The following DMXL1 variants were observed in gnomAD, a reference collection of about 807,000 sequenced individuals.
The protein encoded by DMXL1 is Dmx like 1, also known as dmX-like protein 1.
A neutral mutation model predicts 319.2 loss-of-function variants in DMXL1; 99 were observed. The observed-to-expected ratio is 0.31, with a 90% confidence interval of 0.26 to 0.37. The LOEUF is 0.37. Ranked by LOEUF, DMXL1 falls within the 10% of genes least tolerant of loss-of-function variation. DMXL1 has a pLI of 1.00. For missense variants in DMXL1, 3,745 were observed against 3,595.6 expected, an observed-to-expected ratio of 1.04 and a Z score of -1.06; for synonymous variants, 1,385 against 1,235.2, an observed-to-expected ratio of 1.12 and a Z score of -2.54.
intron 15 of DMXL1, among the ~76,000 whole-genome samples, chr5:119,146,296 C>A (rs1338824151): frequency 6.6e-6 from 1 of 151,744 alleles, no homozygotes. Flanking sequence ...AATAATAAAT[C>A]ATTGATTTTT....
At chr5:119,122,674 C>A (rs1019983246) in intron 9 of DMXL1, among the ~76,000 whole-genome samples, 3 of 151,690 alleles carry the variant, frequency 2.0e-5, no homozygotes, top group African/African-American at 7.3e-5. Flanking sequence ...GGGGTCGCTG[C>A]CGGGCAGAGG....
chr5:119,180,816 C>T (rs960836113), intron 28 of DMXL1, among the ~76,000 whole-genome samples: 9 of 151,896 alleles, frequency 5.9e-5, no homozygotes, highest in Non-Finnish European at 1.0e-4. Context: ...TAAAAATTGG[C>T]AAATTAATTT....
intron 9 of DMXL1, among the ~76,000 whole-genome samples, chr5:119,126,129 C>G (rs1356884952): frequency 7.9e-5 from 12 of 151,940 alleles, no homozygotes; most frequent in Non-Finnish European, 1.8e-4. Flanking sequence ...GCTAAAAATA[C>G]AAAATTAGCC....
chr5:119,175,162 T>G (rs767100611), intron 25 of DMXL1, 99 bp from the exon 26 acceptor site: 107 of 820,068 alleles, frequency 1.3e-4, no homozygotes, highest in Middle Eastern at 3.5e-4. Context: ...AATCAAAAAT[T>G]TTTTCATTCT....
intron 35 of DMXL1, among the ~76,000 whole-genome samples, chr5:119,219,066 G>T (rs1784192054): frequency 1.3e-5 from 2 of 152,144 alleles, no homozygotes; most frequent in African/African-American, 4.8e-5. Flanking sequence ...TCTTGGATCA[G>T]AGACAAAGGA....
Position 119,133,308 on chromosome 5 carries a change from C to G in DMXL1, c.1492C>G (p.Pro498Ala), listed in dbSNP as rs1765332688. 4 of 1,613,938 alleles carry G rather than the reference C, an allele frequency of 2.5e-6. No individual in the cohort carries two copies. The highest frequency in any genetic ancestry group is 1.6e-4 in the Middle Eastern group (1 of 6,084). The change falls in exon 11 of 44, where the codon CCC becomes GCC. Residue 498 changes from proline to alanine, a missense_variant. Pro to Ala is a conservative substitution (Grantham distance 27, BLOSUM62 -1). Coordinates refer to ENST00000539542, the MANE Select transcript of DMXL1 (RefSeq NM_001290321.3). ...TGCAGATATGCTATTTAGTATTCAT[C>G]CCATGGATGGTTCTTTGCTAGTTTG... ...KNADMLFSIHPMDGSLLVWHV... is the reference protein window; with the variant it reads ...KNADMLFSIHAMDGSLLVWHV...
In DMXL1 at chr5:119,148,860, G is replaced by A. The variant is rs757815680; in HGVS notation, c.3033G>A (p.Thr1011=). The A allele has an allele frequency of 1.2e-5, 20 of 1,613,606 alleles. No individual in the cohort carries two copies. The highest frequency in any genetic ancestry group is 5.0e-5 in the Admixed American group (3 of 59,928). ...GAGTAACAGATGGAGAATCTGCCAC[G>A]TCAAAGAATGGAAAAATTGATCTTG... ...RCRVTDGESA[T]SKNGKIDLAY... Residue 1011 remains threonine (T), a synonymous_variant, in exon 18 of 44, where the codon ACG becomes ACA. Transcript: ENST00000539542.
intron 1 of DMXL1, among the ~76,000 whole-genome samples, chr5:119,089,817 G>A (rs938467183): frequency 2.0e-5 from 3 of 150,612 alleles, no homozygotes; most frequent in African/African-American, 7.3e-5. Context: ...GTAGAGATGG[G>A]GTTTCTCCAG....
intron 16 of DMXL1, 22 bp from the exon 17 acceptor site, chr5:119,147,227 G>A (rs778614165): frequency 2.5e-6 from 4 of 1,599,552 alleles, no homozygotes; most frequent in African/African-American, 2.7e-5. Flanking sequence ...TCAGTTTTTG[G>A]TTCTTTTCTT....
chr5:119,096,000 C>G (rs1755863765), intron 1 of DMXL1, among the ~76,000 whole-genome samples: 1 of 152,130 alleles, frequency 6.6e-6, no homozygotes, highest in African/African-American at 2.4e-5. Flanking sequence ...ATCAAGAGAT[C>G]AGGTTCTGAA....
At chr5:119,159,155 G>T (rs1771714800) in intron 19 of DMXL1, among the ~76,000 whole-genome samples, 1 of 151,788 alleles carries the variant, frequency 6.6e-6, no homozygotes, top group African/African-American at 2.4e-5. Context: ...CTTTGAGACA[G>T]AGTCTCGCTT....
chr5:119,196,523 T>G lies in DMXL1; in HGVS notation c.7543+67T>G, dbSNP rs182362769. The G allele has an allele frequency of 3.3e-4, 397 of 1,212,308 alleles. 1 individual carries two copies. The African/African-American group carries it at 5.2e-3, about 16-fold the overall frequency. The allele number at this position is 1,212,308 out of a possible 1,614,324, so 75.1% of individuals were successfully genotyped here. A position where few individuals can be genotyped will look rare whatever the true frequency, so the allele number is the denominator to read the frequency against. On this transcript the variant is annotated intron_variant, in intron 31 of 43. Transcript: ENST00000539542. ...TGACTTACTACTCTGTTGTTTTTTT[T>G]TTTTTTTTTTTGGTCTGGACTGGGG...
chr5:119,218,077 G>A (rs1174697224), intron 35 of DMXL1, among the ~76,000 whole-genome samples: 1 of 151,992 alleles, frequency 6.6e-6, no homozygotes, highest in Non-Finnish European at 1.5e-5. Flanking sequence ...ATATATACAT[G>A]TCAAATACAA....
chr5:119,116,481 C>G, intron 7 of DMXL1, 145 bp downstream of exon 7: 1 of 862,600 alleles, frequency 1.2e-6, no homozygotes, highest in East Asian at 2.5e-5. Context: ...CTCTGGCCTG[C>G]ACATCTCTGG....
intron 2 of DMXL1, among the ~76,000 whole-genome samples, chr5:119,099,899 G>A (rs1487898578): frequency 6.6e-6 from 1 of 152,144 alleles, no homozygotes; most frequent in East Asian, 1.9e-4. Context: ...TACCCGGGAA[G>A]CTGAGGCGGG....
At chr5:119,196,239 T>G in intron 30 of DMXL1, 132 bp from the exon 31 acceptor site, 5 of 685,378 alleles carry the variant, frequency 7.3e-6, no homozygotes, top group South Asian at 6.9e-5. Flanking sequence ...TCTATGCATA[T>G]ATTATTTTGT....
At chr5:119,193,141 A>G (rs149707565) in intron 29 of DMXL1, among the ~76,000 whole-genome samples, 1 of 152,246 alleles carries the variant, frequency 6.6e-6, no homozygotes, top group East Asian at 1.9e-4. Flanking sequence ...TGATATACTT[A>G]GCATATAAAC....
intron 9 of DMXL1, chr5:119,127,880 G>A: frequency 2.9e-6 from 1 of 343,316 alleles, no homozygotes; most frequent in South Asian, 2.7e-5. Flanking sequence ...GTCTGCTTTG[G>A]CAATAAGTGG....
intron 1 of DMXL1, among the ~76,000 whole-genome samples, chr5:119,083,537 G>C (rs1265561236): frequency 1.3e-5 from 2 of 151,914 alleles, no homozygotes; most frequent in African/African-American, 4.8e-5. Flanking sequence ...CGGTTGTTCA[G>C]TTATTAGGTT....
Sources: allele counts gnomAD v4.1 joint callset (sites outside exome capture counted in the v4.1 genomes callset), GRCh38; gene constraint gnomAD v4.1.1; transcripts MANE v1.5; gene names NCBI Gene and HGNC (gene_info 2026-07-23, HGNC 2026-07-21).